The following SGK1 variants were observed in gnomAD, a reference collection of about 807,000 sequenced individuals.
SGK1 encodes serine/threonine-protein kinase Sgk1.
SGK1 carries 26 observed loss-of-function variants against 64.2 expected under a neutral mutation model. That is an observed-to-expected ratio of 0.40 (90% CI 0.30 to 0.56). The LOEUF (loss-of-function observed/expected upper bound fraction) is 0.56, where lower values mean the gene tolerates loss of function less well. Among genes scored for constraint, SGK1 ranks in the 20% least tolerant of loss-of-function variants. The pLI, the probability that SGK1 is intolerant of heterozygous loss-of-function variation, is 0.38. For missense variants in SGK1, 519 were observed against 645.6 expected, an observed-to-expected ratio of 0.80 and a Z score of 2.12; for synonymous variants, 265 against 239.7, an observed-to-expected ratio of 1.11 and a Z score of -0.98.
rs6913855 is a variant in SGK1 at position 134,309,726 on chromosome 6, G to A, written c.69+7666C>T. Among the ~76,000 whole-genome samples, 606 of 152,288 alleles carry A rather than the reference G, an allele frequency of 4.0e-3. 6 individuals carry two copies. Among genetic ancestry groups the A allele is most frequent in the African/African-American group, 0.014 (579 of 41,558 alleles). On this transcript the variant is annotated intron_variant, in intron 1 of 13. Transcript: ENST00000367858. ...AAATCTTCATCCCCAGGTTGGTGAG[G>A]AGCCAATGATTTCACGCTCAAACAA...
chr6:134,279,652 C>A (rs1387232152), intron 1 of SGK1, among the ~76,000 whole-genome samples: 1 of 151,984 alleles, frequency 6.6e-6, no homozygotes, highest in Non-Finnish European at 1.5e-5. Context: ...CCCTCCCCCC[C>A]AAAAATAGCA....
chr6:134,233,859 C>T (rs1398172259), intron 2 of SGK1, among the ~76,000 whole-genome samples: 3 of 149,686 alleles, frequency 2.0e-5, no homozygotes, highest in Non-Finnish European at 4.4e-5. Flanking sequence ...ACTGGAAAAT[C>T]CATCCAAGAT....
chr6:134,300,541 A>C (rs1777435795), intron 1 of SGK1, among the ~76,000 whole-genome samples: 1 of 149,054 alleles, frequency 6.7e-6, no homozygotes, highest in Non-Finnish European at 1.5e-5. Context: ...CTGTCTCAAA[A>C]AAAAAAAAAA....
intron 3 of SGK1, chr6:134,177,809 C>G: frequency 1.2e-6 from 2 of 1,613,300 alleles, no homozygotes; most frequent in Non-Finnish European, 1.7e-6. Context: ...TAAGCTGGAA[C>G]TCTGAGATGA....
At chr6:134,176,128 G>A (rs760780774) in intron 3 of SGK1, 9 of 321,722 alleles carry the variant, frequency 2.8e-5, no homozygotes, top group Non-Finnish European at 4.0e-5. Flanking sequence ...GGGTAGCTTT[G>A]CCCGGGGGCA....
At chr6:134,216,707 C>T (rs567569623) in intron 2 of SGK1, among the ~76,000 whole-genome samples, 2 of 152,192 alleles carry the variant, frequency 1.3e-5, no homozygotes, top group South Asian at 2.1e-4. Context: ...GTGAAGTATG[C>T]GGTAGAGCTA....
At chr6:134,224,518 T>C (rs1290205426) in intron 2 of SGK1, among the ~76,000 whole-genome samples, 1 of 152,146 alleles carries the variant, frequency 6.6e-6, no homozygotes, top group African/African-American at 2.4e-5. Flanking sequence ...TTTGCAGGTA[T>C]TTTCCACAGC....
At chr6:134,234,648 G>A (rs957565051) in intron 2 of SGK1, among the ~76,000 whole-genome samples, 2 of 152,068 alleles carry the variant, frequency 1.3e-5, no homozygotes, top group African/African-American at 2.4e-5. Context: ...AGGCCGGGGC[G>A]GGTGGATCAC....
At chr6:134,174,997 C>CG in intron 3 of SGK1, 2 of 1,182,014 alleles carry the variant, frequency 1.7e-6, no homozygotes, top group Non-Finnish European at 2.3e-6. Context: ...TTGCTGGCGG[C>CG]TACGCTGCCT....
chr6:134,280,371 G>T (rs1777075528), intron 1 of SGK1, among the ~76,000 whole-genome samples: 1 of 152,022 alleles, frequency 6.6e-6, no homozygotes, highest in Non-Finnish European at 1.5e-5. Flanking sequence ...AGTATTTGTT[G>T]AATAAATAGA....
chr6:134,200,720 A>G (rs1422071290), intron 3 of SGK1, among the ~76,000 whole-genome samples: 41 of 152,136 alleles, frequency 2.7e-4, no homozygotes, highest in Admixed American at 2.7e-3. Flanking sequence ...CCTGGGCAAC[A>G]TGGAGAAACC....
chr6:134,315,343 T>C (rs2114806618), intron 1 of SGK1, among the ~76,000 whole-genome samples: 1 of 152,274 alleles, frequency 6.6e-6, no homozygotes, highest in South Asian at 2.1e-4. Context: ...CTCCAGCAAC[T>C]GATAGACCCA....
At chr6:134,263,549 C>T (rs1415819955) in intron 1 of SGK1, among the ~76,000 whole-genome samples, 1 of 152,052 alleles carries the variant, frequency 6.6e-6, no homozygotes, top group Non-Finnish European at 1.5e-5. Context: ...TACTGCACAA[C>T]TTTGATTATA....
intron 2 of SGK1, among the ~76,000 whole-genome samples, chr6:134,245,018 C>T (rs1349602509): frequency 6.6e-6 from 1 of 152,186 alleles, no homozygotes; most frequent in African/African-American, 2.4e-5. Context: ...TCAGGTGATC[C>T]ACCCGCCTTG....
In SGK1 at chr6:134,271,268, G is replaced by A. The variant is rs1027104900; in HGVS notation, c.70-9120C>T. Among the ~76,000 whole-genome samples, 13 of 127,996 alleles carry A rather than the reference G, an allele frequency of 1.0e-4. 1 individual carries two copies. Among genetic ancestry groups the A allele is most frequent in the South Asian group, 2.6e-4 (1 of 3,894 alleles). 84.0% of individuals were successfully genotyped at this position (127,996 alleles called of 152,430 possible). The stretch of plus-strand genomic sequence containing the variant: ...TAGGTGGCGGAGGTTGCAGTGAGCC[G>A]AGATTGCACCACTAGACTCCAGTCT... On this transcript the variant is annotated intron_variant, in intron 1 of 13. Coordinates refer to ENST00000367858, the MANE Select transcript of SGK1 (RefSeq NM_001143676.3).
chr6:134,250,586 T>A (rs1185297531), intron 2 of SGK1, among the ~76,000 whole-genome samples: 1 of 152,182 alleles, frequency 6.6e-6, no homozygotes, highest in Non-Finnish European at 1.5e-5. Flanking sequence ...TTTGTGTAAG[T>A]AGAATGAACC....
At chr6:134,177,728 G>A (rs1036341715) in intron 3 of SGK1, 7 of 1,613,834 alleles carry the variant, frequency 4.3e-6, no homozygotes, top group South Asian at 1.1e-5. Context: ...TGCAGGTTGG[G>A]GATTACTTCT....
intron 2 of SGK1, among the ~76,000 whole-genome samples, chr6:134,232,523 G>A (rs924273037): frequency 1.4e-5 from 2 of 141,274 alleles, no homozygotes; most frequent in African/African-American, 5.1e-5. Flanking sequence ...GGGAGGGAGG[G>A]AAGGAAGGAA....
chr6:134,294,908 C>T (rs1777322723), intron 1 of SGK1, among the ~76,000 whole-genome samples: 1 of 152,180 alleles, frequency 6.6e-6, no homozygotes, highest in Admixed American at 6.5e-5. Context: ...TAATGATGAG[C>T]ATAAACGATA....
Sources: allele counts gnomAD v4.1 joint callset (sites outside exome capture counted in the v4.1 genomes callset), GRCh38; gene constraint gnomAD v4.1.1; transcripts MANE v1.5; gene names NCBI Gene and HGNC (gene_info 2026-07-23, HGNC 2026-07-21).